PCSK5: variants seen among roughly 807,000 people sequenced by gnomAD.
PCSK5 encodes the protein prohormone convertase 5.
In PCSK5, 129 loss-of-function variants were observed where a neutral mutation model predicts 233.2. The observed-to-expected ratio is 0.55, with a 90% CI of 0.48 to 0.64. The LOEUF (loss-of-function observed/expected upper bound fraction) is 0.64. Ranked by LOEUF, PCSK5 falls within the 30% of genes least tolerant of loss-of-function variation. The probability of loss-of-function intolerance (pLI) is 0.00; values close to 1 mark genes in which losing one functional copy is unlikely to be tolerated. For synonymous variants in PCSK5, 825 were observed against 879.2 expected (o/e 0.94, Z 1.09); for missense variants, 2,076 against 2,430.1 (o/e 0.85, Z 3.06).
chr9:76,088,106 C>G (rs1357511214), intron 7 of PCSK5, among the ~76,000 whole-genome samples: 1 of 152,162 alleles, frequency 6.6e-6, no homozygotes, highest in Non-Finnish European at 1.5e-5. Context: ...TTTAGACAGC[C>G]CTTCCTTAGA....
At chr9:76,214,307 C>CAT (rs1825442391) in intron 20 of PCSK5, among the ~76,000 whole-genome samples, 1 of 151,200 alleles carries the variant, frequency 6.6e-6, no homozygotes, top group South Asian at 2.1e-4. Flanking sequence ...CACACACACA[C>CAT]GTGCACACAC....
intron 20 of PCSK5, 21 bp from the exon 21 acceptor site, chr9:76,227,482 C>T: frequency 6.5e-7 from 1 of 1,549,534 alleles, no homozygotes; most frequent in Non-Finnish European, 8.9e-7. Flanking sequence ...ATGAAATAAA[C>T]AACTAGATTT....
rs992501664 is a variant in PCSK5, at chr9:76,072,293, T to G, written c.894+395T>G. Among the ~76,000 whole-genome samples, 9 of 152,336 alleles carry G rather than the reference T, an allele frequency of 5.9e-5. No homozygotes were observed. In the East Asian group the frequency reaches 1.7e-3, roughly 29 times the overall value. On this transcript the variant is annotated intron_variant, in intron 7 of 37. Transcript: ENST00000674117. ...TTGGGGCATCTCCCTTTTTTAATACTTTCCCTAGTTTCTCTCACCTCTGTC... is the reference window on the plus strand; with the variant it reads ...TTGGGGCATCTCCCTTTTTTAATACGTTCCCTAGTTTCTCTCACCTCTGTC...
At chr9:76,027,257 C>T (rs972016730) in intron 5 of PCSK5, among the ~76,000 whole-genome samples, 7 of 152,062 alleles carry the variant, frequency 4.6e-5, no homozygotes, top group African/African-American at 1.7e-4. Flanking sequence ...AATGGCTCAG[C>T]ATTTCCAAAT....
intron 9 of PCSK5, among the ~76,000 whole-genome samples, chr9:76,133,364 G>A (rs1320972023): frequency 4.6e-5 from 7 of 152,038 alleles, no homozygotes; most frequent in Non-Finnish European, 1.5e-5. Context: ...GCTTGGATTT[G>A]TTTCTGTGTG....
chr9:75,897,496 T>C (rs1475730969), intron 1 of PCSK5, among the ~76,000 whole-genome samples: 1 of 148,742 alleles, frequency 6.7e-6, no homozygotes, highest in African/African-American at 2.5e-5. Flanking sequence ...TTTCTTTTTT[T>C]TTTTTTTTTT....
intron 34 of PCSK5, 24 bp downstream of exon 34, chr9:76,332,634 C>G (rs900057776): frequency 6.6e-7 from 1 of 1,507,962 alleles, no homozygotes; most frequent in African/African-American, 1.4e-5. Context: ...ACATTTTCCC[C>G]CATGTAATTT....
At chr9:76,241,470 C>T (rs1156961383) in intron 24 of PCSK5, among the ~76,000 whole-genome samples, 2 of 152,172 alleles carry the variant, frequency 1.3e-5, no homozygotes, top group Non-Finnish European at 2.9e-5. Context: ...ATAAAAATGA[C>T]TCTGTTGCTT....
intron 7 of PCSK5, among the ~76,000 whole-genome samples, chr9:76,086,443 C>T (rs932284309): frequency 6.6e-6 from 1 of 151,974 alleles, no homozygotes; most frequent in Non-Finnish European, 1.5e-5. Context: ...AAGGAGTGAC[C>T]GGAAGTTAAT....
chr9:76,321,289 A>G (rs2259680), intron 30 of PCSK5, 133 bp from the exon 31 acceptor site: 200,651 of 600,754 alleles, frequency 0.33, 34,934 homozygotes, highest in African/African-American at 0.43. Context: ...ACTTCCTTAT[A>G]AATCCCATGG....
intron 11 of PCSK5, among the ~76,000 whole-genome samples, chr9:76,158,644 A>G (rs544693334): frequency 6.6e-6 from 1 of 152,296 alleles, no homozygotes; most frequent in East Asian, 1.9e-4. Flanking sequence ...AACTTGTTAG[A>G]AATGCAAATT....
intron 24 of PCSK5, among the ~76,000 whole-genome samples, chr9:76,242,819 T>G (rs549128602): frequency 6.6e-6 from 1 of 152,236 alleles, no homozygotes; most frequent in African/African-American, 2.4e-5. Flanking sequence ...GTGTGTAATC[T>G]AAAATCTGAG....
intron 1 of PCSK5, among the ~76,000 whole-genome samples, chr9:75,905,139 G>C (rs563241278): frequency 3.5e-4 from 53 of 152,272 alleles, no homozygotes; most frequent in Non-Finnish European, 6.2e-4. Context: ...GTTGGGTAAG[G>C]CTGGAAGGGT....
chr9:76,329,996 T>C (rs993767196), intron 33 of PCSK5, among the ~76,000 whole-genome samples: 11 of 152,170 alleles, frequency 7.2e-5, no homozygotes, highest in Non-Finnish European at 1.0e-4. Context: ...GATCTCCACA[T>C]GCCTTTCCTC....
At chr9:76,319,582 G>A (rs931188776) in intron 30 of PCSK5, among the ~76,000 whole-genome samples, 46 of 152,218 alleles carry the variant, frequency 3.0e-4, no homozygotes, top group African/African-American at 9.9e-4. Flanking sequence ...CCTTGGTCGA[G>A]CGGTAACGCC....
intron 20 of PCSK5, among the ~76,000 whole-genome samples, chr9:76,226,489 T>C (rs1159599387): frequency 6.6e-6 from 1 of 152,132 alleles, no homozygotes; most frequent in South Asian, 2.1e-4. Context: ...GACAACGTGA[T>C]TAAACCCTGG....
chr9:76,314,745 T>A (rs983346321), intron 30 of PCSK5, among the ~76,000 whole-genome samples: 4 of 152,084 alleles, frequency 2.6e-5, no homozygotes, highest in African/African-American at 9.7e-5. Context: ...CAAGCAATCA[T>A]CCTGCCTCAG....
intron 33 of PCSK5, 45 bp from the exon 34 acceptor site, chr9:76,332,386 ATG>A: frequency 6.9e-7 from 1 of 1,456,520 alleles, no homozygotes; most frequent in Non-Finnish European, 9.5e-7. Context: ...CAGGGGAGAC[ATG>A]TGTCATGCTC....
At chr9:76,222,096 G>A (rs917182402) in intron 20 of PCSK5, among the ~76,000 whole-genome samples, 14 of 152,160 alleles carry the variant, frequency 9.2e-5, no homozygotes, top group Non-Finnish European at 8.8e-5. Flanking sequence ...GAAGAAGACA[G>A]AGTTTTCCAT....
Sources: allele counts gnomAD v4.1 joint callset (sites outside exome capture counted in the v4.1 genomes callset), GRCh38; gene constraint gnomAD v4.1.1; transcripts MANE v1.5; gene names NCBI Gene and HGNC (gene_info 2026-07-23, HGNC 2026-07-21).